Variants in RANBP17 observed in about 807,000 individuals in gnomAD.
RANBP17 encodes ran-binding protein 17.
A neutral mutation model predicts 141.2 loss-of-function variants in RANBP17; 158 were observed. The observed-to-expected ratio is 1.12, with a 90% CI of 0.98 to 1.28. RANBP17 has a LOEUF of 1.28. Among genes scored for constraint, RANBP17 ranks in the 50% most tolerant of loss-of-function variants. RANBP17 has a pLI of 0.00. For synonymous variants in RANBP17, 430 were observed against 450.0 expected (o/e 0.96, Z 0.56); for missense variants, 1,438 against 1,290.7 (o/e 1.11, Z -1.75).
At chr5:171,255,325 T>C (rs1765814212) in intron 24 of RANBP17, among the ~76,000 whole-genome samples, 1 of 152,218 alleles carries the variant, frequency 6.6e-6, no homozygotes, top group Admixed American at 6.5e-5. Context: ...GCTGTGTCAG[T>C]TTTAACATTA....
intron 16 of RANBP17, among the ~76,000 whole-genome samples, chr5:171,174,751 A>AGTGTGTGTGTGTGTGTGTGT (rs57948503): frequency 7.4e-6 from 1 of 135,622 alleles, no homozygotes; most frequent in Admixed American, 7.6e-5. Context: ...AAATATCTAG[A>AGTGTGTGTGTGTGTGTGTGT]GTGTGTGTGT....
chr5:170,892,568 C>G lies in RANBP17; in HGVS notation c.423+15C>G. On this transcript the variant is annotated intron_variant, in intron 4 of 27. Transcript: ENST00000523189. ...AGTTTCTCCAGGTAAGAAGTCATTG[C>G]TACATGGTTAGAACATCACTACTTG... 6.2e-7 allele frequency: 1 copy of G among 1,607,862 alleles called. No individual in the cohort carries two copies. The highest frequency in any genetic ancestry group is 8.5e-7 in the Non-Finnish European group (1 of 1,176,522).
chr5:170,995,848 C>T (rs767083451), intron 14 of RANBP17, among the ~76,000 whole-genome samples: 10 of 151,946 alleles, frequency 6.6e-5, no homozygotes, highest in Non-Finnish European at 8.8e-5. Context: ...ATCACTAAAA[C>T]GATTGGAAGA....
At chr5:170,981,713 A>C (rs751309240) in intron 14 of RANBP17, among the ~76,000 whole-genome samples, 10 of 152,176 alleles carry the variant, frequency 6.6e-5, no homozygotes, top group Non-Finnish European at 7.3e-5. Flanking sequence ...CTTTATCAGC[A>C]ACATGAAAAC....
chr5:171,201,769 AC>A (rs1212780424), intron 19 of RANBP17, among the ~76,000 whole-genome samples: 1 of 152,258 alleles, frequency 6.6e-6, no homozygotes, highest in African/African-American at 2.4e-5. Context: ...TTTATCATAA[AC>A]AAAACTTTTG....
rs1005539288 is a variant in RANBP17, at chr5:171,036,303, T to C, written c.1710+67926T>C. On this transcript the variant is annotated intron_variant, in intron 14 of 27. Coordinates refer to ENST00000523189, the MANE Select transcript of RANBP17 (RefSeq NM_022897.5). ...CGATATTTGGTTTTCTTTTCCTGTGTTAATTCACTTAAGATAATGGCCTCC... is the reference window on the plus strand; with the variant it reads ...CGATATTTGGTTTTCTTTTCCTGTGCTAATTCACTTAAGATAATGGCCTCC... Among the ~76,000 whole-genome samples the C allele has an allele frequency of 4.6e-5, 7 of 152,202 alleles. No individual in the cohort carries two copies. In the South Asian group the frequency reaches 1.0e-3, roughly 22 times the overall value.
intron 12 of RANBP17, among the ~76,000 whole-genome samples, chr5:170,926,050 A>G (rs1426227786): frequency 2.0e-5 from 3 of 152,298 alleles, no homozygotes; most frequent in Middle Eastern, 3.4e-3. Context: ...CTGTTAAACT[A>G]TTTTACAAAG....
At chr5:170,944,704 CAG>C (rs1456412242) in intron 12 of RANBP17, among the ~76,000 whole-genome samples, 1 of 152,164 alleles carries the variant, frequency 6.6e-6, no homozygotes, top group Non-Finnish European at 1.5e-5. Flanking sequence ...CTTTCTAAAA[CAG>C]AGTAAATATG....
intron 14 of RANBP17, among the ~76,000 whole-genome samples, chr5:171,089,238 C>T (rs1316282683): frequency 9.1e-6 from 1 of 110,470 alleles, no homozygotes; most frequent in Non-Finnish European, 2.1e-5. Flanking sequence ...TCAGTGTGCC[C>T]CTGCTGGGGG....
intron 14 of RANBP17, among the ~76,000 whole-genome samples, chr5:171,083,977 A>G (rs544336227): frequency 2.2e-5 from 3 of 135,276 alleles, no homozygotes; most frequent in Non-Finnish European, 4.8e-5. Flanking sequence ...TTTTTTAATT[A>G]TACTTTAAGT....
intron 14 of RANBP17, among the ~76,000 whole-genome samples, chr5:171,151,118 G>A (rs1156305332): frequency 6.6e-6 from 1 of 151,978 alleles, no homozygotes; most frequent in African/African-American, 2.4e-5. Flanking sequence ...ACATTTTTTT[G>A]ACCTTTGTCA....
intron 13 of RANBP17, among the ~76,000 whole-genome samples, chr5:170,965,794 T>G (rs1200071990): frequency 6.6e-6 from 1 of 152,176 alleles, no homozygotes. Flanking sequence ...CTGTTTTGGT[T>G]ACTGTAGCCT....
At chr5:170,940,987 A>G (rs1774282182) in intron 12 of RANBP17, among the ~76,000 whole-genome samples, 1 of 152,232 alleles carries the variant, frequency 6.6e-6, no homozygotes, top group African/African-American at 2.4e-5. Context: ...ACAAAACCCC[A>G]TACACTTGGG....
chr5:170,864,415 T>C (rs1767071863), intron 1 of RANBP17, among the ~76,000 whole-genome samples: 1 of 152,202 alleles, frequency 6.6e-6, no homozygotes, highest in African/African-American at 2.4e-5. Context: ...CAGTGTGCAC[T>C]TTCCCCAATG....
At chr5:170,985,466 CTT>C (rs2127557036) in intron 14 of RANBP17, among the ~76,000 whole-genome samples, 1 of 152,266 alleles carries the variant, frequency 6.6e-6, no homozygotes, top group South Asian at 2.1e-4. Flanking sequence ...AAGTAATTCC[CTT>C]TCTCTCTTCC....
intron 11 of RANBP17, among the ~76,000 whole-genome samples, chr5:170,921,307 A>G (rs1772442894): frequency 6.6e-6 from 1 of 152,216 alleles, no homozygotes; most frequent in African/African-American, 2.4e-5. Flanking sequence ...CTTTCTACAT[A>G]TGGCTAGTCA....
chr5:171,068,152 A>G (rs1300273515), intron 14 of RANBP17, among the ~76,000 whole-genome samples: 1 of 152,002 alleles, frequency 6.6e-6, no homozygotes, highest in Non-Finnish European at 1.5e-5. Flanking sequence ...GGATGCTGAG[A>G]TGTGCTCTTG....
At chr5:170,998,999 A>G (rs1160844375) in intron 14 of RANBP17, among the ~76,000 whole-genome samples, 1 of 152,134 alleles carries the variant, frequency 6.6e-6, no homozygotes, top group Non-Finnish European at 1.5e-5. Flanking sequence ...ATCATCTGCT[A>G]CTGTGAGGCA....
intron 14 of RANBP17, among the ~76,000 whole-genome samples, chr5:170,990,364 T>G (rs1205024920): frequency 2.6e-5 from 4 of 151,892 alleles, no homozygotes; most frequent in African/African-American, 7.2e-5. Context: ...CATGTGACAG[T>G]AAACCAGATA....
Sources: gnomAD v4.1 joint callset for allele counts (sites outside exome capture counted in the v4.1 genomes callset) on GRCh38, gnomAD v4.1.1 for gene constraint, MANE v1.5 for transcripts, NCBI Gene and HGNC (gene_info 2026-07-23, HGNC 2026-07-21) for gene names.